Variants in RNF213 observed in about 807,000 individuals in gnomAD.
RNF213 encodes E3 ubiquitin-protein ligase RNF213.
A neutral mutation model predicts 514.4 loss-of-function variants in RNF213; 341 were observed. That is an observed-to-expected ratio of 0.66 (90% CI 0.61 to 0.73). RNF213 has a LOEUF of 0.73. Ranked by LOEUF, RNF213 falls within the 30% of genes least tolerant of loss-of-function variation. RNF213 has a pLI of 0.00. For synonymous variants in RNF213, 2,655 were observed against 2,658.2 expected, an observed-to-expected ratio of 1.00 and a Z score of 0.04; for missense variants, 5,767 against 6,615.6, an observed-to-expected ratio of 0.87 and a Z score of 4.45.
At chr17:80,277,183 C>T (rs1055434417) in intron 3 of RNF213, among the ~76,000 whole-genome samples, 2 of 152,148 alleles carry the variant, frequency 1.3e-5, no homozygotes, top group African/African-American at 4.8e-5. Flanking sequence ...TGTATGATTC[C>T]TTTGATATGA....
In RNF213 at chr17:80,373,075, C is replaced by A; in HGVS notation, c.12852C>A (p.Ser4284Arg). The A allele has an allele frequency of 1.2e-6, 2 of 1,614,000 alleles. No homozygotes were observed. Among genetic ancestry groups the A allele is most frequent in the Non-Finnish European group, 1.7e-6 (2 of 1,180,016 alleles). ...WHRVYLVRKLSSQRGMEFVQG... is the reference protein window; with the variant it reads ...WHRVYLVRKLRSQRGMEFVQG... The stretch of plus-strand genomic sequence containing the variant: ...GGGTGTACCTGGTGCGGAAGCTCAG[C>A]AGCCAGCGGGGGATGGAGTTCGTGC... Residue 4284 changes from serine to arginine, a missense_variant, in exon 49 of 68, where the codon AGC (serine) becomes AGA (arginine). By Grantham distance (110) the Ser-to-Arg change is moderately radical. This residue lies in a region of RNF213 where 1,245 missense variants were observed against 1,339.0 expected (regional missense o/e 0.93). Coordinates refer to ENST00000582970, the MANE Select transcript of RNF213 (RefSeq NM_001256071.3).
At chr17:80,311,947 T>C (rs765905688) in intron 14 of RNF213, among the ~76,000 whole-genome samples, 1 of 152,048 alleles carries the variant, frequency 6.6e-6, no homozygotes, top group Non-Finnish European at 1.5e-5. Context: ...GCCAACATGG[T>C]GAAACCCTGT....
chr17:80,336,542 A>G lies in RNF213; in HGVS notation c.4527+164A>G, dbSNP rs776843627. On this transcript the variant is annotated intron_variant, in intron 23 of 67. Coordinates refer to ENST00000582970, the MANE Select transcript of RNF213 (RefSeq NM_001256071.3). ...TTTTCTTCATAAATGGAAATTCACC[A>G]TCTTGTTACCTAGAAAGCAGGATAC... 17 of 724,186 alleles carry G rather than the reference A, an allele frequency of 2.3e-5. No homozygotes were observed. The East Asian group carries it at 4.1e-4, about 18-fold the overall frequency. 44.9% of individuals were successfully genotyped at this position (724,186 alleles called of 1,614,324 possible).
intron 11 of RNF213, among the ~76,000 whole-genome samples, chr17:80,305,256 G>T (rs1337426858): frequency 6.9e-6 from 1 of 144,914 alleles, no homozygotes; most frequent in African/African-American, 2.7e-5. Context: ...TTGGCTCACC[G>T]CAACCTCTGC....
At position 80,376,149 on chromosome 17, in the gene RNF213, A is replaced by G. The variant is rs904287744; in HGVS notation, c.13186-152A>G. 98 of 854,814 alleles carry G rather than the reference A, an allele frequency of 1.1e-4. 1 individual carries two copies. In the Middle Eastern group the frequency reaches 3.4e-3, roughly 29 times the overall value. 53.0% of individuals were successfully genotyped at this position (854,814 alleles called of 1,614,324 possible). On this transcript the variant is annotated intron_variant, in intron 51 of 67. Transcript: ENST00000582970. ...TGGATGCTGTGTTTGTATATGCACAATTCTCTTCTCTGAAAAATTTCCCCC... is the reference window on the plus strand; with the variant it reads ...TGGATGCTGTGTTTGTATATGCACAGTTCTCTTCTCTGAAAAATTTCCCCC...
intron 38 of RNF213, among the ~76,000 whole-genome samples, chr17:80,361,193 T>G (rs952060398): frequency 6.6e-6 from 1 of 152,222 alleles, no homozygotes; most frequent in African/African-American, 2.4e-5. Flanking sequence ...GTTTCTGACC[T>G]AAATTTGACA....
chr17:80,289,760 G>T lies in RNF213; in HGVS notation c.1035G>T (p.Lys345Asn), dbSNP rs201282643. The change falls in exon 6 of 68, where the codon AAG becomes AAT. Residue 345 changes from lysine to asparagine, a missense_variant. Lys to Asn is a moderately conservative substitution (Grantham distance 94). Coordinates refer to ENST00000582970, the MANE Select transcript of RNF213 (RefSeq NM_001256071.3). ...EPEDLKKPEG[K>N]NRSAAAVKNE... ...AAGACCTCAAGAAGCCAGAGGGGAA[G>T]AACAGAAGTGCAGCTGCTGTGAAAA... is the stretch of plus-strand genomic sequence containing the variant. 1 of 1,613,874 alleles carries T rather than the reference G, an allele frequency of 6.2e-7. No individual in the cohort carries two copies. The highest frequency in any genetic ancestry group is 1.7e-5 in the Admixed American group (1 of 59,966).
intron 11 of RNF213, chr17:80,298,816 A>C: frequency 6.2e-6 from 2 of 320,496 alleles, no homozygotes; most frequent in Non-Finnish European, 6.1e-6. Flanking sequence ...AATACCAAAA[A>C]AAAAAAAAAA....
Position 80,362,560 on chromosome 17 carries a change from G to A in RNF213, c.11356-542G>A, listed in dbSNP as rs560041648. 3.0e-4 allele frequency among the ~76,000 whole-genome samples: 45 copies of A among 152,294 alleles called. 1 individual carries two copies. The South Asian group carries it at 5.4e-3, about 18-fold the overall frequency. ...AAGCTGATTTTTAAAAACAACAGCCGCCGGCCAGTGCTGCAAAGAAATAGC... is the reference window on the plus strand; with the variant it reads ...AAGCTGATTTTTAAAAACAACAGCCACCGGCCAGTGCTGCAAAGAAATAGC... On this transcript the variant is annotated intron_variant, in intron 39 of 67. Transcript: ENST00000582970.
At chr17:80,386,600 T>C (rs1260225581) in intron 62 of RNF213, 90 bp from the exon 63 acceptor site, 1 of 1,499,974 alleles carries the variant, frequency 6.7e-7, no homozygotes, top group Non-Finnish European at 9.3e-7. Flanking sequence ...CTGCTCCAAC[T>C]GTGAGAAATG....
At chr17:80,319,581 ACACGGGCTTG>A in intron 17 of RNF213, 1 of 1,585,290 alleles carries the variant, frequency 6.3e-7, no homozygotes, top group Non-Finnish European at 8.6e-7. Context: ...GGCACAAGTC[ACACGGGCTTG>A]CAGGCCGTTC....
At chr17:80,265,571 G>A (rs2043585858) in intron 2 of RNF213, among the ~76,000 whole-genome samples, 1 of 152,220 alleles carries the variant, frequency 6.6e-6, no homozygotes, top group African/African-American at 2.4e-5. Flanking sequence ...AGAAAGTGGT[G>A]AAAAGGATGA....
chr17:80,263,778 GGT>G lies in RNF213; in HGVS notation c.97+2_97+3del. 1 of 1,613,870 alleles carries G rather than the reference GGT, an allele frequency of 6.2e-7. No homozygotes were observed. Among genetic ancestry groups the G allele is most frequent in the Non-Finnish European group, 8.5e-7 (1 of 1,179,826 alleles). ...GCTGCCTCCTGCAGCCCCCATAGCA[GGT>G]GAGGCCCAGGGGTGCTGGTGGAGGC... On this transcript the variant is annotated splice_donor_variant, in intron 2 of 67. Coordinates refer to ENST00000582970, the MANE Select transcript of RNF213 (RefSeq NM_001256071.3). LOFTEE classifies it high-confidence loss of function. This position sits in a 1 kb window ranked among gnomAD's most constrained non-coding sequence, Gnocchi z 4.9.
chr17:80,361,638 G>T, intron 38 of RNF213, 96 bp from the exon 39 acceptor site: 1 of 1,378,470 alleles, frequency 7.3e-7, no homozygotes, highest in South Asian at 1.2e-5. Context: ...ATTCAACAAG[G>T]CGTCCCCATT....
In RNF213 at chr17:80,289,752, G is replaced by A. The variant is rs1443391849; in HGVS notation, c.1027G>A (p.Glu343Lys). The A allele has an allele frequency of 1.9e-5, 31 of 1,614,070 alleles. No homozygotes were observed. The Middle Eastern group carries it at 5.0e-4, about 26-fold the overall frequency. Residue 343 changes from glutamate to lysine, a missense_variant, in exon 6 of 68, where the codon GAG (glutamate) becomes AAG (lysine). This residue lies in a region of RNF213 where 509 missense variants were observed against 496.7 expected (regional missense o/e 1.02). Coordinates refer to ENST00000582970, the MANE Select transcript of RNF213 (RefSeq NM_001256071.3). ...GGAGCCTGAAGACCTCAAGAAGCCAGAGGGGAAGAACAGAAGTGCAGCTGC... is the reference window on the plus strand; with the variant it reads ...GGAGCCTGAAGACCTCAAGAAGCCAAAGGGGAAGAACAGAAGTGCAGCTGC... ...QGEPEDLKKP[E>K]GKNRSAAAVK...
chr17:80,350,219 T>A, intron 30 of RNF213, 82 bp from the exon 31 acceptor site: 1 of 909,052 alleles, frequency 1.1e-6, no homozygotes, highest in Non-Finnish European at 1.8e-6. Flanking sequence ...GTAGCCTTTA[T>A]GTTTCCCATC....
Position 80,325,071 on chromosome 17 carries a change from G to A in RNF213, c.3066G>A (p.Leu1022=), listed in dbSNP as rs2046243516. 2.0e-6 allele frequency: 3 copies of A among 1,537,116 alleles called. No homozygotes were observed. Among genetic ancestry groups the A allele is most frequent in the East Asian group, 2.4e-5 (1 of 40,916 alleles). ...TTCAGGGGTTCTCTTACTCTGATTT[G>A]CGGAAATTTGGCATCGTCTTGTCTG... ...SILQGFSYSD[L]RKFGIVLSAV... is the part of the protein sequence containing the mutation. The change falls in exon 18 of 68, where the codon TTG becomes TTA. Residue 1022 remains leucine (L), a synonymous_variant. Transcript: ENST00000582970.
chr17:80,393,336 G>T lies in RNF213; in HGVS notation c.15471-9G>T, dbSNP rs1373184681. 6.2e-7 allele frequency: 1 copy of T among 1,613,538 alleles called. No homozygotes were observed. Among genetic ancestry groups the T allele is most frequent in the Non-Finnish European group, 8.5e-7 (1 of 1,179,828 alleles). On this transcript the variant is annotated splice_polypyrimidine_tract_variant and intron_variant, in intron 67 of 67. Transcript: ENST00000582970. The stretch of plus-strand genomic sequence containing the variant: ...ACTGTTTTAAATGCTCTCTTCTTTG[G>T]TTTTTCAGCCTGAGAGACACTCTCG...
Position 80,298,303 on chromosome 17 carries a change from A to T in RNF213, c.2013-18A>T, listed in dbSNP as rs773510919. The T allele has an allele frequency of 5.6e-6, 9 of 1,613,454 alleles. No homozygotes were observed. The East Asian group carries it at 1.8e-4, about 32-fold the overall frequency. ...CCTGGCCAGCTCAGCTCACTGCGGG[A>T]TCTTTATTCCCTTCCAGCTGGCGGC... is the stretch of plus-strand genomic sequence containing the variant. On this transcript the variant is annotated intron_variant, in intron 10 of 67. Transcript: ENST00000582970.
Sources: gnomAD v4.1 joint callset for allele counts (sites outside exome capture counted in the v4.1 genomes callset) on GRCh38, gnomAD v4.1.1 for gene constraint, gnomAD v4.1.1 regional missense constraint, Gnocchi (gnomAD v3.1) non-coding constraint, MANE v1.5 for transcripts, NCBI Gene and HGNC (gene_info 2026-07-23, HGNC 2026-07-21) for gene names.